The following SYT9 variants were observed in gnomAD, a reference collection of about 807,000 sequenced individuals.
SYT9 encodes the protein synaptotagmin 9.
Under a neutral mutation model 48.4 loss-of-function variants are expected in SYT9, and 22 were observed. That is an observed-to-expected ratio of 0.45 (90% CI 0.32 to 0.65). The LOEUF is 0.65. Among genes scored for constraint, SYT9 ranks in the 30% least tolerant of loss-of-function variants. The pLI is 0.03. For synonymous variants in SYT9, 265 were observed against 245.0 expected, an observed-to-expected ratio of 1.08 and a Z score of -0.76; for missense variants, 577 against 622.0, an observed-to-expected ratio of 0.93 and a Z score of 0.77.
chr11:7,309,751 C>G (rs1486431268), intron 2 of SYT9, among the ~76,000 whole-genome samples: 5 of 152,196 alleles, frequency 3.3e-5, no homozygotes. Flanking sequence ...GGCAGTCTCC[C>G]TGCTCCACTT....
Position 7,468,535 on chromosome 11 carries a change from A to C in SYT9, c.*1735A>C. 2.6e-6 allele frequency: 1 copy of C among 388,398 alleles called. No individual in the cohort carries two copies. The highest frequency in any genetic ancestry group is 4.5e-6 in the Non-Finnish European group (1 of 219,900). The allele number at this position is 388,398 out of a possible 1,614,324, so 24.1% of individuals were successfully genotyped here. ...TCATTCAGACATCCTCCACCATACC[A>C]GTGTTTAGAAGCAAAACATGAAGGG... On this transcript the variant is annotated 3_prime_UTR_variant, in exon 7 of 7. Transcript: ENST00000318881.
intron 3 of SYT9, among the ~76,000 whole-genome samples, chr11:7,383,856 G>A (rs912622765): frequency 5.9e-5 from 9 of 152,132 alleles, no homozygotes; most frequent in African/African-American, 2.2e-4. Context: ...TAGGCTGCAC[G>A]AGTTTTTAAA....
At position 7,466,948 on chromosome 11, in the gene SYT9, C is replaced by A; in HGVS notation, c.*148C>A. On this transcript the variant is annotated 3_prime_UTR_variant, in exon 7 of 7. Coordinates refer to ENST00000318881, the MANE Select transcript of SYT9 (RefSeq NM_175733.4). The stretch of plus-strand genomic sequence containing the variant: ...ACCACAGCACTAACTGGCCTTCTTT[C>A]CAGATTGGGTTTGGTGAACCTGAAT... 2.0e-6 allele frequency: 2 copies of A among 1,024,446 alleles called. No homozygotes were observed. Among genetic ancestry groups the A allele is most frequent in the African/African-American group, 1.6e-5 (1 of 61,460 alleles). The allele number at this position is 1,024,446 out of a possible 1,614,324, so 63.5% of individuals were successfully genotyped here. A position where few individuals can be genotyped will look rare whatever the true frequency, so the allele number is the denominator to read the frequency against.
chr11:7,408,752 C>G (rs1011897722), intron 3 of SYT9, among the ~76,000 whole-genome samples: 12 of 152,152 alleles, frequency 7.9e-5, no homozygotes, highest in Admixed American at 6.6e-4. Context: ...TCCATAAGAT[C>G]ATATCATCAG....
rs778882538 is a variant in SYT9 at position 7,313,646 on chromosome 11, A to G, written c.749A>G (p.Lys250Arg). ...KIHKAVNLPA[K>R]DFSGTSDPYV... is the part of the protein sequence containing the mutation. ...CACAAAGCTGTCAATTTGCCCGCCA[A>G]GGACTTTTCTGGGACTTCAGATCCT... Residue 250 changes from lysine to arginine, a missense_variant, in exon 3 of 7, where the codon AAG becomes AGG. Lys to Arg is a conservative substitution (Grantham distance 26). Coordinates refer to ENST00000318881, the MANE Select transcript of SYT9 (RefSeq NM_175733.4). 2 of 1,614,210 alleles carry G rather than the reference A, an allele frequency of 1.2e-6. No homozygotes were observed. The highest frequency in any genetic ancestry group is 2.2e-5 in the South Asian group (2 of 91,074).
chr11:7,271,364 T>C (rs1311565141), intron 1 of SYT9, among the ~76,000 whole-genome samples: 1 of 152,100 alleles, frequency 6.6e-6, no homozygotes, highest in African/African-American at 2.4e-5. Flanking sequence ...TACAATGGAT[T>C]GCTATTTGCT....
At chr11:7,254,370 C>T (rs1847928176) in intron 1 of SYT9, among the ~76,000 whole-genome samples, 1 of 152,150 alleles carries the variant, frequency 6.6e-6, no homozygotes, top group Admixed American at 6.5e-5. Context: ...AAGATTACAT[C>T]CAAAGTGCAC....
At chr11:7,247,658 A>G (rs1023428196), upstream of SYT9, among the ~76,000 whole-genome samples, 5 of 135,670 alleles carry the variant, frequency 3.7e-5, no homozygotes, top group South Asian at 2.3e-4. Context: ...ATATATATAC[A>G]TATGTATATA....
At chr11:7,312,354 G>A (rs1174151164) in intron 2 of SYT9, among the ~76,000 whole-genome samples, 3 of 152,174 alleles carry the variant, frequency 2.0e-5, no homozygotes, top group African/African-American at 7.2e-5. Context: ...CAATCCCTAA[G>A]AGACATCCCA....
At chr11:7,342,710 C>T (rs1271787731) in intron 3 of SYT9, among the ~76,000 whole-genome samples, 1 of 152,202 alleles carries the variant, frequency 6.6e-6, no homozygotes, top group Non-Finnish European at 1.5e-5. Context: ...CCTCTTCTCA[C>T]AGCTCCAGTA....
At chr11:7,257,780 G>A (rs1326448992) in intron 1 of SYT9, among the ~76,000 whole-genome samples, 2 of 152,074 alleles carry the variant, frequency 1.3e-5, no homozygotes, top group African/African-American at 2.4e-5. Flanking sequence ...CATTTACTTC[G>A]GTGACATTTC....
At chr11:7,333,706 GGGCTGA>G (rs374021852) in intron 3 of SYT9, among the ~76,000 whole-genome samples, 9 of 152,314 alleles carry the variant, frequency 5.9e-5, no homozygotes, top group African/African-American at 2.2e-4. Flanking sequence ...TTGCATGAGT[GGGCTGA>G]GAAAAATCCA....
chr11:7,261,698 G>A (rs769114395), intron 1 of SYT9, among the ~76,000 whole-genome samples: 7 of 152,062 alleles, frequency 4.6e-5, no homozygotes, highest in Non-Finnish European at 8.8e-5. Flanking sequence ...AGATACACAC[G>A]TAGCAGGGGG....
intron 6 of SYT9, among the ~76,000 whole-genome samples, chr11:7,449,200 C>T (rs1391871056): frequency 4.0e-5 from 6 of 151,536 alleles, no homozygotes; most frequent in Admixed American, 6.6e-5. Flanking sequence ...AAAAATTAAC[C>T]GGGCATGGTG....
At chr11:7,419,022 T>C (rs1203721476) in intron 5 of SYT9, among the ~76,000 whole-genome samples, 2 of 152,258 alleles carry the variant, frequency 1.3e-5, no homozygotes, top group South Asian at 2.1e-4. Flanking sequence ...TTCCAGCAGA[T>C]GCCTGCGTGA....
At chr11:7,384,788 C>T (rs543682355) in intron 3 of SYT9, among the ~76,000 whole-genome samples, 37 of 152,172 alleles carry the variant, frequency 2.4e-4, no homozygotes, top group Non-Finnish European at 4.9e-4. Context: ...ATCTGATCCA[C>T]CACAGCCTCT....
chr11:7,436,992 C>A (rs4319495), intron 6 of SYT9, among the ~76,000 whole-genome samples: 95,325 of 152,090 alleles, frequency 0.63, 30,520 homozygotes, highest in African/African-American at 0.75. Context: ...TACAACATAC[C>A]TGAAAGCACC....
chr11:7,321,671 T>A (rs1299623971), intron 3 of SYT9, among the ~76,000 whole-genome samples: 1 of 152,142 alleles, frequency 6.6e-6, no homozygotes, highest in Non-Finnish European at 1.5e-5. Context: ...GGGTAACTCA[T>A]AGGCAGTGTG....
chr11:7,330,987 T>A (rs200125419), intron 3 of SYT9, among the ~76,000 whole-genome samples: 1 of 151,582 alleles, frequency 6.6e-6, no homozygotes, highest in South Asian at 2.1e-4. Flanking sequence ...TTAGTAGAGA[T>A]GGGGTTTCAT....
Sources: allele counts gnomAD v4.1 joint callset (sites outside exome capture counted in the v4.1 genomes callset), GRCh38; gene constraint gnomAD v4.1.1; transcripts MANE v1.5; gene names NCBI Gene and HGNC (gene_info 2026-07-23, HGNC 2026-07-21).